RYR3: variants seen among roughly 807,000 people sequenced by gnomAD.
RYR3 encodes the protein ryanodine receptor 3, also known as brain ryanodine receptor-calcium release channel.
RYR3 carries 207 observed loss-of-function variants against 584.3 expected under a neutral mutation model. That is an observed-to-expected ratio of 0.35 (90% CI 0.32 to 0.40). The LOEUF is 0.40. Among genes scored for constraint, RYR3 ranks in the 10% least tolerant of loss-of-function variants. The pLI is 1.00. For synonymous variants in RYR3, 2,416 were observed against 2,248.5 expected (o/e 1.07, Z -2.11); for missense variants, 5,616 against 6,089.2 (o/e 0.92, Z 2.59).
At chr15:33,536,433 T>A (rs1315456943) in intron 5 of RYR3, among the ~76,000 whole-genome samples, 1 of 152,190 alleles carries the variant, frequency 6.6e-6, no homozygotes, top group East Asian at 1.9e-4. Context: ...GCTTTAGAAT[T>A]TAGACTTAGG....
Position 33,473,525 on chromosome 15 carries a change from C to G in RYR3, c.158C>G (p.Thr53Ser). The G allele has an allele frequency of 6.2e-7, 1 of 1,614,048 alleles. No individual in the cohort carries two copies. The highest frequency in any genetic ancestry group is 8.5e-7 in the Non-Finnish European group (1 of 1,179,886). The change falls in exon 2 of 104, where the codon ACT becomes AGT. Residue 53 changes from threonine (T) to serine (S), a missense_variant. Thr to Ser is a moderately conservative substitution (Grantham distance 58, BLOSUM62 1). Coordinates refer to ENST00000634891, the MANE Select transcript of RYR3 (RefSeq NM_001036.6). ...AATCGCCTGTGCTTCTTGGAACCCA[C>G]TTCAGAAGCCAAGGTGAGATTGGCT... ...LGNRLCFLEPTSEAKYIPPDL... is the reference protein window; with the variant it reads ...LGNRLCFLEPSSEAKYIPPDL...
intron 2 of RYR3, among the ~76,000 whole-genome samples, chr15:33,491,663 A>G (rs925389817): frequency 1.5e-4 from 23 of 152,236 alleles, no homozygotes; most frequent in African/African-American, 5.3e-4. Flanking sequence ...TTGTTGATGC[A>G]GAACCTCAGT....
intron 26 of RYR3, 91 bp downstream of exon 26, chr15:33,635,910 G>A: frequency 8.9e-7 from 1 of 1,118,480 alleles, no homozygotes; most frequent in Non-Finnish European, 1.3e-6. Context: ...TGGATCTCTG[G>A]CTTCAAAGTG....
intron 1 of RYR3, among the ~76,000 whole-genome samples, chr15:33,338,444 A>G (rs531293209): frequency 2.6e-5 from 4 of 152,338 alleles, no homozygotes; most frequent in South Asian, 2.1e-4. Context: ...TGCATTTTAC[A>G]TAAGAGAACA....
chr15:33,450,911 A>C (rs905599356), intron 1 of RYR3, among the ~76,000 whole-genome samples: 1 of 151,664 alleles, frequency 6.6e-6, no homozygotes, highest in South Asian at 2.1e-4. Flanking sequence ...TCCAGTGCCT[A>C]CTCCCATTCC....
intron 1 of RYR3, among the ~76,000 whole-genome samples, chr15:33,462,698 T>C (rs1294790580): frequency 6.6e-6 from 1 of 152,172 alleles, no homozygotes; most frequent in Non-Finnish European, 1.5e-5. Context: ...CAAACACAGA[T>C]ACCATTGCAC....
chr15:33,762,845 T>C (rs150057309), intron 60 of RYR3, among the ~76,000 whole-genome samples: 385 of 152,316 alleles, frequency 2.5e-3, no homozygotes, highest in African/African-American at 8.8e-3. Flanking sequence ...GCTGGAGGCA[T>C]CACGCTACCT....
chr15:33,381,834 A>G (rs11855635), intron 1 of RYR3, among the ~76,000 whole-genome samples: 48,302 of 152,100 alleles, frequency 0.32, 7,818 homozygotes, highest in East Asian at 0.38. Flanking sequence ...GCTATGGAGC[A>G]TGATGTTGAT....
At chr15:33,416,330 A>G (rs1387297137) in intron 1 of RYR3, among the ~76,000 whole-genome samples, 1 of 152,220 alleles carries the variant, frequency 6.6e-6, no homozygotes, top group Non-Finnish European at 1.5e-5. Flanking sequence ...AATAGCAATA[A>G]GCATTCTCTT....
rs192105906 is a variant in RYR3, at chr15:33,865,316, G to C, written c.*90G>C. 5.8e-6 allele frequency: 5 copies of C among 863,900 alleles called. No individual in the cohort carries two copies. The highest frequency in any genetic ancestry group is 9.0e-6 in the Non-Finnish European group (5 of 554,364). 53.5% of individuals were successfully genotyped at this position (863,900 alleles called of 1,614,324 possible). On this transcript the variant is annotated 3_prime_UTR_variant, in exon 104 of 104. Transcript: ENST00000634891. ...TACAGTTCTGCAACATATCTGAAAT[G>C]TGACATTTTCTAAATGCCTCCCTTA... is the stretch of plus-strand genomic sequence containing the variant.
Position 33,864,150 on chromosome 15 carries a change from G to A in RYR3, c.14478G>A (p.Met4826Ile). ...HNLANYLFFL[M>I]YLINKDETEH... is the part of the protein sequence containing the mutation. The stretch of plus-strand genomic sequence containing the variant: ...TTCCTCGTTCCAGGTTCTTTCTGAT[G>A]TATTTGATTAATAAAGATGAAACAG... Residue 4826 changes from methionine (M) to isoleucine (I), a missense_variant, in exon 103 of 104, where the codon ATG becomes ATA. By Grantham distance (10) the Met-to-Ile change is conservative. Around this residue, in one of 9 missense-constraint regions of RYR3, gnomAD observed 918 missense variants for 887.4 expected, o/e 1.03. Transcript: ENST00000634891. The A allele has an allele frequency of 6.2e-7, 1 of 1,611,832 alleles. No homozygotes were observed. The highest frequency in any genetic ancestry group is 1.3e-5 in the African/African-American group (1 of 75,012).
chr15:33,330,503 C>T (rs543975117), intron 1 of RYR3, among the ~76,000 whole-genome samples: 2 of 152,288 alleles, frequency 1.3e-5, no homozygotes, highest in East Asian at 3.9e-4. Flanking sequence ...CTCTCCTGTG[C>T]TCTAACCCTC....
intron 48 of RYR3, among the ~76,000 whole-genome samples, chr15:33,733,111 A>G (rs2069105737): frequency 6.6e-6 from 1 of 152,272 alleles, no homozygotes. Flanking sequence ...GCTGGCAAGG[A>G]TGTGGAACAA....
intron 2 of RYR3, among the ~76,000 whole-genome samples, chr15:33,478,026 C>T (rs2142297187): frequency 6.6e-6 from 1 of 151,616 alleles, no homozygotes; most frequent in Admixed American, 6.6e-5. Flanking sequence ...TGTTCCTAGG[C>T]ACTAGGAATT....
At chr15:33,746,242 C>G in intron 53 of RYR3, 85 bp downstream of exon 53, 1 of 906,246 alleles carries the variant, frequency 1.1e-6, no homozygotes, top group Non-Finnish European at 1.8e-6. Context: ...AGAGCACATT[C>G]ACTCTCACGT....
chr15:33,686,950 C>T (rs964773074), intron 38 of RYR3, among the ~76,000 whole-genome samples: 1 of 152,134 alleles, frequency 6.6e-6, no homozygotes, highest in African/African-American at 2.4e-5. Flanking sequence ...TATGACAAAC[C>T]CACAGCCAAT....
chr15:33,507,567 A>G lies in RYR3; in HGVS notation c.279+3829A>G, dbSNP rs535124028. Among the ~76,000 whole-genome samples, 14 of 152,320 alleles carry G rather than the reference A, an allele frequency of 9.2e-5. No homozygotes were observed. In the South Asian group the frequency reaches 2.9e-3, roughly 32 times the overall value. ...CAATCAAATATTAGAGTATTTTCACATTTTCAATTGATTAGACCTACAGTG... is the reference window on the plus strand; with the variant it reads ...CAATCAAATATTAGAGTATTTTCACGTTTTCAATTGATTAGACCTACAGTG... On this transcript the variant is annotated intron_variant, in intron 3 of 103. Coordinates refer to ENST00000634891, the MANE Select transcript of RYR3 (RefSeq NM_001036.6).
chr15:33,832,613 C>T (rs1196474730), intron 86 of RYR3, among the ~76,000 whole-genome samples: 14 of 148,638 alleles, frequency 9.4e-5, no homozygotes, highest in East Asian at 2.0e-4. Context: ...GCCGAGATCG[C>T]GCCATTGCAC....
intron 42 of RYR3, among the ~76,000 whole-genome samples, chr15:33,701,817 G>T (rs965000477): frequency 6.6e-6 from 1 of 152,120 alleles, no homozygotes. Flanking sequence ...CTGATCAGCC[G>T]CATTGTTGGG....
Sources: allele counts gnomAD v4.1 joint callset (sites outside exome capture counted in the v4.1 genomes callset), GRCh38; gene constraint gnomAD v4.1.1; regional missense constraint gnomAD v4.1.1; transcripts MANE v1.5; gene names NCBI Gene and HGNC (gene_info 2026-07-23, HGNC 2026-07-21).